Variants in EPSTI1 observed in about 807,000 individuals in gnomAD.
EPSTI1 encodes epithelial-stromal interaction protein 1.
EPSTI1 carries 66 observed loss-of-function variants against 49.9 expected under a neutral mutation model. The observed-to-expected ratio is 1.32, with a 90% CI of 1.08 to 1.62. The LOEUF is 1.62. Ranked by LOEUF, EPSTI1 falls within the 40% of genes most tolerant of loss-of-function variation. EPSTI1 has a pLI of 0.00. For missense variants in EPSTI1, 394 were observed against 365.5 expected (o/e 1.08, Z -0.64); for synonymous variants, 137 against 130.7 (o/e 1.05, Z -0.33).
chr13:42,978,778 T>A (rs1280524729), intron 1 of EPSTI1, among the ~76,000 whole-genome samples: 1 of 152,196 alleles, frequency 6.6e-6, no homozygotes, highest in Non-Finnish European at 1.5e-5. Flanking sequence ...ATAACAACTA[T>A]ATATAACATA....
intron 9 of EPSTI1, among the ~76,000 whole-genome samples, chr13:42,897,053 T>C (rs1160837340): frequency 6.8e-6 from 1 of 147,854 alleles, no homozygotes; most frequent in African/African-American, 2.5e-5. Flanking sequence ...TGAGTGGAGA[T>C]GATGTCACTG....
At chr13:42,911,277 G>A (rs1256193344) in intron 8 of EPSTI1, among the ~76,000 whole-genome samples, 13 of 111,536 alleles carry the variant, frequency 1.2e-4, no homozygotes, top group African/African-American at 2.3e-4. Context: ...GCGCGCACGC[G>A]CGCACACGTG....
chr13:42,971,509 G>A lies in EPSTI1; in HGVS notation c.189-839C>T, dbSNP rs187919605. Among the ~76,000 whole-genome samples, 259 of 152,272 alleles carry A rather than the reference G, an allele frequency of 1.7e-3. 7 individuals carry two copies. The highest frequency in any genetic ancestry group is 0.013 in the Admixed American group (197 of 15,302). ...CACAAGAACATGAATACTCCATTAA[G>A]CAATAATATAGCACAGCAACAGACT... On this transcript the variant is annotated intron_variant, in intron 1 of 10. Transcript: ENST00000313624.
At chr13:42,926,990 G>GACACACAC (rs10529424) in intron 6 of EPSTI1, among the ~76,000 whole-genome samples, 4,912 of 144,622 alleles carry the variant, frequency 0.034, 191 homozygotes, top group East Asian at 0.17. Context: ...TCTGTTAACA[G>GACACACAC]ACACACACAC....
rs1427653759 is a variant in EPSTI1 at position 42,965,766 on chromosome 13, C to T, written c.332-1627G>A. On this transcript the variant is annotated intron_variant, in intron 3 of 10. Coordinates refer to ENST00000313624, the MANE Select transcript of EPSTI1 (RefSeq NM_033255.5). ...TCTCCCTCGTCTCCCTCTCCCTCTC[C>T]CTCCTCTCCCTCTCCCTCTCCCTCT... Among the ~76,000 whole-genome samples the T allele has an allele frequency of 8.9e-3, 79 of 8,870 alleles. 25 individuals are homozygous for T. The highest frequency in any genetic ancestry group is 0.032 in the Non-Finnish European group (61 of 1,926). The allele number at this position is 8,870 out of a possible 152,430, so 5.8% of individuals were successfully genotyped here.
chr13:42,989,787 G>A (rs1017089567), intron 1 of EPSTI1, among the ~76,000 whole-genome samples: 1 of 151,412 alleles, frequency 6.6e-6, no homozygotes, highest in Non-Finnish European at 1.5e-5. Context: ...TAGAGACGGG[G>A]TTTCACTGTG....
intron 1 of EPSTI1, among the ~76,000 whole-genome samples, chr13:42,974,668 A>T (rs1020008579): frequency 1.3e-5 from 2 of 152,226 alleles, no homozygotes; most frequent in African/African-American, 4.8e-5. Context: ...CAAAAAAAAA[A>T]AAAAAAGTTT....
intron 3 of EPSTI1, among the ~76,000 whole-genome samples, chr13:42,966,758 A>G (rs1314503554): frequency 4.6e-5 from 4 of 87,910 alleles, no homozygotes; most frequent in South Asian, 5.4e-4. Context: ...CCGCCCGGCC[A>G]CCACCCCGTC....
intron 2 of EPSTI1, chr13:42,969,500 C>A: frequency 3.7e-6 from 1 of 269,996 alleles, no homozygotes; most frequent in South Asian, 6.1e-5. Flanking sequence ...TTTAAAGTTA[C>A]CTATAGAAAA....
At chr13:42,927,754 C>T (rs2038230604) in intron 6 of EPSTI1, among the ~76,000 whole-genome samples, 1 of 152,184 alleles carries the variant, frequency 6.6e-6, no homozygotes, top group African/African-American at 2.4e-5. Flanking sequence ...GCAGCCTTTC[C>T]ATTTGTCTTA....
intron 6 of EPSTI1, among the ~76,000 whole-genome samples, chr13:42,946,378 C>A (rs567311465): frequency 2.0e-5 from 3 of 152,222 alleles, no homozygotes; most frequent in Admixed American, 6.5e-5. Context: ...CGCTTGGTTC[C>A]AAGAGCTTTT....
chr13:42,915,464 G>A (rs1367062881), intron 8 of EPSTI1, among the ~76,000 whole-genome samples: 7 of 152,122 alleles, frequency 4.6e-5, no homozygotes, highest in Non-Finnish European at 7.4e-5. Context: ...CCTGGGAGGC[G>A]GAGGTTGCAG....
intron 6 of EPSTI1, among the ~76,000 whole-genome samples, chr13:42,929,235 A>C (rs2038284065): frequency 6.6e-6 from 1 of 152,222 alleles, no homozygotes; most frequent in Non-Finnish European, 1.5e-5. Context: ...GTCACACAGA[A>C]TATCTACTTC....
intron 10 of EPSTI1, among the ~76,000 whole-genome samples, chr13:42,893,115 A>T (rs2037085415): frequency 6.6e-6 from 1 of 152,222 alleles, no homozygotes; most frequent in South Asian, 2.1e-4. Context: ...GTTTAAGAAA[A>T]AAATAAAGAA....
intron 10 of EPSTI1, among the ~76,000 whole-genome samples, chr13:42,890,787 G>A (rs2037014719): frequency 6.6e-6 from 1 of 151,728 alleles, no homozygotes; most frequent in South Asian, 2.1e-4. Context: ...GTAAATAATT[G>A]TATCATCTGT....
chr13:42,947,881 G>T (rs58019346), intron 6 of EPSTI1, among the ~76,000 whole-genome samples: 5,799 of 152,290 alleles, frequency 0.038, 318 homozygotes, highest in African/African-American at 0.11. Context: ...ATCCGTCAGG[G>T]CTCTGCTCAC....
rs374893549 is a variant in EPSTI1 at position 42,963,300 on chromosome 13, A to G, written c.444T>C (p.Ala148=). The change falls in exon 5 of 11, where the codon GCT becomes GCC. Residue 148 remains alanine (A), a synonymous_variant. Transcript: ENST00000313624. ...REESVRIKKE[A]EEAELQKMKA... is the part of the protein sequence containing the mutation. ...TCATTTTTTGGAGTTCAGCTTCTTC[A>G]GCTTCCTTCTTGATTCTTACAGATT... 4 of 1,613,568 alleles carry G rather than the reference A, an allele frequency of 2.5e-6. No homozygotes were observed. Among genetic ancestry groups the G allele is most frequent in the Non-Finnish European group, 3.4e-6 (4 of 1,179,918 alleles).
chr13:42,943,732 G>A (rs1408213793), intron 6 of EPSTI1, among the ~76,000 whole-genome samples: 1 of 152,070 alleles, frequency 6.6e-6, no homozygotes, highest in Non-Finnish European at 1.5e-5. Context: ...AACTGGCCTG[G>A]CCAACCTACA....
At chr13:42,968,409 CTA>C (rs2039676001) in intron 3 of EPSTI1, among the ~76,000 whole-genome samples, 1 of 152,158 alleles carries the variant, frequency 6.6e-6, no homozygotes. Flanking sequence ...CTTGTATTAA[CTA>C]AATCTGTGGA....
Sources: gnomAD v4.1 joint callset for allele counts (sites outside exome capture counted in the v4.1 genomes callset) on GRCh38, gnomAD v4.1.1 for gene constraint, MANE v1.5 for transcripts, NCBI Gene and HGNC (gene_info 2026-07-23, HGNC 2026-07-21) for gene names.